SNTG1: variants seen among roughly 807,000 people sequenced by gnomAD.
SNTG1 encodes the protein gamma-1-syntrophin.
SNTG1 carries 39 observed loss-of-function variants against 74.7 expected under a neutral mutation model. The ratio of observed to expected loss-of-function variants is 0.52; its 90% CI spans 0.40 to 0.68. The LOEUF is 0.68. Ranked by LOEUF, SNTG1 falls within the 30% of genes least tolerant of loss-of-function variation. The pLI is 0.00. For missense variants in SNTG1, 685 were observed against 609.5 expected, an observed-to-expected ratio of 1.12 and a Z score of -1.30; for synonymous variants, 254 against 217.1, an observed-to-expected ratio of 1.17 and a Z score of -1.49.
At chr8:50,212,356 G>A (rs1428164827) in intron 2 of SNTG1, among the ~76,000 whole-genome samples, 1 of 152,116 alleles carries the variant, frequency 6.6e-6, no homozygotes, top group Non-Finnish European at 1.5e-5. Flanking sequence ...TCAAATGTGA[G>A]TAATGAAAAT....
intron 1 of SNTG1, among the ~76,000 whole-genome samples, chr8:49,965,318 G>A (rs776664928): frequency 3.0e-4 from 45 of 152,150 alleles, no homozygotes; most frequent in Admixed American, 3.3e-4. Context: ...TTAATGGAAT[G>A]TAATACTCCT....
intron 13 of SNTG1, among the ~76,000 whole-genome samples, chr8:50,603,589 G>T (rs1349479879): frequency 6.6e-6 from 1 of 152,002 alleles, no homozygotes; most frequent in Non-Finnish European, 1.5e-5. Flanking sequence ...GTCAGCATCT[G>T]GGCATTGAAA....
chr8:50,598,190 T>G (rs1431729567), intron 13 of SNTG1, among the ~76,000 whole-genome samples: 2 of 151,990 alleles, frequency 1.3e-5, no homozygotes, highest in Admixed American at 1.3e-4. Flanking sequence ...TTCAAGTGCT[T>G]CCATAGTTTC....
At chr8:49,947,064 C>T (rs6472838) in intron 1 of SNTG1, among the ~76,000 whole-genome samples, 15,165 of 152,192 alleles carry the variant, frequency 0.1, 1,073 homozygotes, top group South Asian at 0.2. Context: ...CTTTGGGAGG[C>T]TGAGGTGGGC....
At chr8:50,315,186 T>C (rs1443367050) in intron 2 of SNTG1, among the ~76,000 whole-genome samples, 1 of 149,766 alleles carries the variant, frequency 6.7e-6, no homozygotes, top group Non-Finnish European at 1.5e-5. Context: ...CAGTGGTCAC[T>C]GAGGAATGTT....
At chr8:50,705,250 A>T (rs1317891692) in intron 16 of SNTG1, among the ~76,000 whole-genome samples, 1 of 152,184 alleles carries the variant, frequency 6.6e-6, no homozygotes, top group Non-Finnish European at 1.5e-5. Context: ...AATGCTTGCC[A>T]ATACTCCTTC....
In SNTG1 at chr8:50,318,627, A is replaced by G. The variant is rs569183440; in HGVS notation, c.-27-75585A>G. ...GGGGACAAAGATCTGTGCTTCCAAT[A>G]CCACTGGGAAAATTTCCTTAAGTAG... On this transcript the variant is annotated intron_variant, in intron 2 of 18. Coordinates refer to ENST00000642720, the MANE Select transcript of SNTG1 (RefSeq NM_018967.5). 9.9e-5 allele frequency among the ~76,000 whole-genome samples: 15 copies of G among 152,256 alleles called. No individual in the cohort carries two copies. In the East Asian group the frequency reaches 2.9e-3, roughly 29 times the overall value.
intron 1 of SNTG1, among the ~76,000 whole-genome samples, chr8:49,943,536 G>A (rs1054004723): frequency 6.6e-6 from 1 of 152,228 alleles, no homozygotes; most frequent in African/African-American, 2.4e-5. Context: ...TATGAGTGTG[G>A]AAGGATCTTT....
At chr8:50,113,918 A>G (rs1016825498) in intron 1 of SNTG1, among the ~76,000 whole-genome samples, 1 of 135,102 alleles carries the variant, frequency 7.4e-6, no homozygotes, top group Non-Finnish European at 1.5e-5. Context: ...TAATAAAAAT[A>G]TACAAATAAA....
At chr8:50,689,351 A>C (rs1237771575) in intron 15 of SNTG1, among the ~76,000 whole-genome samples, 1 of 152,110 alleles carries the variant, frequency 6.6e-6, no homozygotes, top group African/African-American at 2.4e-5. Flanking sequence ...GAATGCTTGA[A>C]GTTTTTGCCC....
At chr8:50,735,050 G>A (rs2095524741) in intron 17 of SNTG1, among the ~76,000 whole-genome samples, 1 of 149,594 alleles carries the variant, frequency 6.7e-6, no homozygotes, top group Admixed American at 6.7e-5. Flanking sequence ...CAATTCAGTG[G>A]CTTTAATTAA....
At chr8:50,053,417 T>C (rs1186475829) in intron 1 of SNTG1, among the ~76,000 whole-genome samples, 2 of 152,036 alleles carry the variant, frequency 1.3e-5, no homozygotes, top group Non-Finnish European at 2.9e-5. Flanking sequence ...ACTGGTGGTT[T>C]CCAGGGATTA....
intron 17 of SNTG1, among the ~76,000 whole-genome samples, chr8:50,750,736 T>G (rs2095565440): frequency 6.6e-6 from 1 of 151,990 alleles, no homozygotes; most frequent in Non-Finnish European, 1.5e-5. Flanking sequence ...TATATACATT[T>G]TTTTAGGCTT....
intron 1 of SNTG1, among the ~76,000 whole-genome samples, chr8:49,963,129 A>C (rs1810845793): frequency 6.6e-6 from 1 of 152,368 alleles, no homozygotes. Context: ...GAGTGGATGC[A>C]TGAATAAAGT....
Position 50,141,219 on chromosome 8 carries a change from G to C in SNTG1, c.-102-31342G>C, listed in dbSNP as rs193210532. 1.2e-4 allele frequency among the ~76,000 whole-genome samples: 19 copies of C among 152,326 alleles called. No individual in the cohort carries two copies. In the East Asian group the frequency reaches 3.1e-3, roughly 25 times the overall value. Reference sequence around the variant, plus strand: ...TAAATATATGGGAATAGGATTGCCAGATCAGATAGTAAGTGCAGGATTGCT... The same window carrying C: ...TAAATATATGGGAATAGGATTGCCACATCAGATAGTAAGTGCAGGATTGCT... On this transcript the variant is annotated intron_variant, in intron 1 of 18. Transcript: ENST00000642720.
intron 1 of SNTG1, among the ~76,000 whole-genome samples, chr8:49,921,403 C>G (rs891502410): frequency 5.9e-5 from 9 of 151,900 alleles, no homozygotes; most frequent in African/African-American, 2.2e-4. Flanking sequence ...CTGGAGAGAA[C>G]GATTTCTGAA....
intron 8 of SNTG1, among the ~76,000 whole-genome samples, chr8:50,495,776 T>C (rs1274556769): frequency 6.6e-6 from 1 of 152,118 alleles, no homozygotes; most frequent in African/African-American, 2.4e-5. Flanking sequence ...TGTATATACC[T>C]GCAGGAAACC....
At chr8:50,257,922 CA>C (rs2130027370) in intron 2 of SNTG1, among the ~76,000 whole-genome samples, 1 of 152,202 alleles carries the variant, frequency 6.6e-6, no homozygotes, top group East Asian at 1.9e-4. Flanking sequence ...GGTGTGAAAC[CA>C]ATAGAGGCAG....
At chr8:50,711,942 A>G (rs1266275132) in intron 17 of SNTG1, among the ~76,000 whole-genome samples, 2 of 152,236 alleles carry the variant, frequency 1.3e-5, no homozygotes, top group East Asian at 1.9e-4. Flanking sequence ...AATGTTAACC[A>G]TACTTAAATA....
Sources: allele counts gnomAD v4.1 joint callset (sites outside exome capture counted in the v4.1 genomes callset), GRCh38; gene constraint gnomAD v4.1.1; transcripts MANE v1.5; gene names NCBI Gene and HGNC (gene_info 2026-07-23, HGNC 2026-07-21).